Variants in DOCK9 observed in about 807,000 individuals in gnomAD.
DOCK9 encodes dedicator of cytokinesis protein 9.
In DOCK9, 89 loss-of-function variants were observed where a neutral mutation model predicts 263.3. The observed-to-expected ratio is 0.34, with a 90% confidence interval of 0.28 to 0.40. The LOEUF (loss-of-function observed/expected upper bound fraction) is 0.40. Among genes scored for constraint, DOCK9 ranks in the 10% least tolerant of loss-of-function variants. The probability of loss-of-function intolerance (pLI) is 1.00; values close to 1 mark genes in which losing one functional copy is unlikely to be tolerated. For synonymous variants in DOCK9, 976 were observed against 973.1 expected, an observed-to-expected ratio of 1.00 and a Z score of -0.06; for missense variants, 2,140 against 2,603.4, an observed-to-expected ratio of 0.82 and a Z score of 3.87.
At chr13:98,851,176 C>A (rs1433889979) in intron 35 of DOCK9, among the ~76,000 whole-genome samples, 1 of 152,154 alleles carries the variant, frequency 6.6e-6, no homozygotes, top group East Asian at 1.9e-4. Context: ...GAAGAAAGTC[C>A]CCATTTACAG....
At chr13:98,986,499 A>G (rs1035514560) in intron 1 of DOCK9, among the ~76,000 whole-genome samples, 1 of 152,258 alleles carries the variant, frequency 6.6e-6, no homozygotes, top group Non-Finnish European at 1.5e-5. Context: ...GGCTGAATTT[A>G]GTTTGCATTT....
At position 98,807,766 on chromosome 13, in the gene DOCK9, C is replaced by T. The variant is rs1639261280; in HGVS notation, c.5409G>A (p.Lys1803=). 1.2e-6 allele frequency: 2 copies of T among 1,613,126 alleles called. No individual in the cohort carries two copies. The highest frequency in any genetic ancestry group is 8.5e-7 in the Non-Finnish European group (1 of 1,179,360). Residue 1803 remains lysine, a synonymous_variant, in exon 48 of 53, where the codon AAG becomes AAA. Coordinates refer to ENST00000682017, the MANE Select transcript of DOCK9 (RefSeq NM_001366683.2). ...CCGACAGCGGTGTGAGTTTGGGTTC[C>T]TTGTAAATATACTCCTTTCCATCTT... ...EDEDGKEYIY[K]EPKLTPLSEI...
chr13:99,052,995 T>G (rs2040770650), intron 1 of DOCK9, among the ~76,000 whole-genome samples: 1 of 152,174 alleles, frequency 6.6e-6, no homozygotes, highest in African/African-American at 2.4e-5. Flanking sequence ...CAGGCCTCAG[T>G]AGGGATTCGC....
At chr13:98,902,096 T>C (rs2048367297) in intron 12 of DOCK9, among the ~76,000 whole-genome samples, 192 bp downstream of exon 12, 1 of 152,240 alleles carries the variant, frequency 6.6e-6, no homozygotes, top group Non-Finnish European at 1.5e-5. Context: ...GGAGAACTTT[T>C]AGAAAGAAGA....
At chr13:98,986,006 A>G (rs1878369621) in intron 1 of DOCK9, among the ~76,000 whole-genome samples, 1 of 152,284 alleles carries the variant, frequency 6.6e-6, no homozygotes, top group Non-Finnish European at 1.5e-5. Flanking sequence ...TAAGGGCCAG[A>G]GAATGTATTC....
chr13:99,027,423 C>G (rs372796261), intron 1 of DOCK9, among the ~76,000 whole-genome samples: 1 of 152,190 alleles, frequency 6.6e-6, no homozygotes, highest in East Asian at 1.9e-4. Flanking sequence ...TTGACAGAAG[C>G]CCATCCTCAT....
chr13:98,819,568 A>G (rs2092133013), intron 45 of DOCK9, among the ~76,000 whole-genome samples: 1 of 152,190 alleles, frequency 6.6e-6, no homozygotes, highest in African/African-American at 2.4e-5. Flanking sequence ...AAAATGAAGT[A>G]GGGCAGTATG....
chr13:98,795,885 A>C (rs1343206434), intron 52 of DOCK9, among the ~76,000 whole-genome samples: 2 of 151,744 alleles, frequency 1.3e-5, no homozygotes, highest in African/African-American at 4.8e-5. Context: ...CAGCCTCCCG[A>C]GTAGCTGAGA....
chr13:98,985,774 G>A (rs1878311366), intron 1 of DOCK9, among the ~76,000 whole-genome samples: 1 of 150,792 alleles, frequency 6.6e-6, no homozygotes, highest in Non-Finnish European at 1.5e-5. Flanking sequence ...ATCTGTAACT[G>A]TTTTATCTCC....
chr13:98,990,336 A>T (rs1226940171), intron 1 of DOCK9, among the ~76,000 whole-genome samples: 1 of 152,214 alleles, frequency 6.6e-6, no homozygotes, highest in Non-Finnish European at 1.5e-5. Flanking sequence ...AGAATCTGTT[A>T]CTCAGACACT....
intron 49 of DOCK9, among the ~76,000 whole-genome samples, chr13:98,802,151 T>A (rs2090186159): frequency 6.6e-6 from 1 of 152,160 alleles, no homozygotes; most frequent in Non-Finnish European, 1.5e-5. Context: ...GGAGGTCAAC[T>A]CCAGGTTCCC....
chr13:98,999,288 G>GCATGCA (rs1412789503), intron 1 of DOCK9, among the ~76,000 whole-genome samples: 1 of 137,594 alleles, frequency 7.3e-6, no homozygotes, highest in Non-Finnish European at 1.6e-5. Context: ...ACGCATGCAC[G>GCATGCA]CGCACACACA....
In DOCK9 at chr13:98,886,696, A is replaced by G. The variant is rs1468672476; in HGVS notation, c.2044-72T>C. Reference sequence around the variant, plus strand: ...AGAAATTAAACTTGGATATATCGTAAAGGAGGAGGCATTCCTACGGCATAG... The same window carrying G: ...AGAAATTAAACTTGGATATATCGTAGAGGAGGAGGCATTCCTACGGCATAG... On this transcript the variant is annotated intron_variant, in intron 18 of 52. Transcript: ENST00000682017. The G allele has an allele frequency of 2.9e-6, 4 of 1,381,956 alleles. No individual in the cohort carries two copies. In the African/African-American group the frequency reaches 5.7e-5, roughly 20 times the overall value. 85.6% of individuals were successfully genotyped at this position (1,381,956 alleles called of 1,614,324 possible). A position where few individuals can be genotyped will look rare whatever the true frequency, so the allele number is the denominator to read the frequency against.
intron 7 of DOCK9, among the ~76,000 whole-genome samples, chr13:98,916,077 T>C (rs2050841717): frequency 6.6e-6 from 1 of 152,112 alleles, no homozygotes; most frequent in Admixed American, 6.5e-5. Flanking sequence ...ATGCCTCCAG[T>C]TTTCATGCCT....
chr13:98,805,282 T>C, intron 48 of DOCK9, 73 bp from the exon 49 acceptor site: 1 of 1,278,598 alleles, frequency 7.8e-7, no homozygotes. Context: ...TACGTGGTAT[T>C]TTCCAACATT....
At chr13:99,065,908 C>A (rs77538406) in intron 1 of DOCK9, among the ~76,000 whole-genome samples, 1 of 152,200 alleles carries the variant, frequency 6.6e-6, no homozygotes, top group Non-Finnish European at 1.5e-5. Context: ...AATGTGTTCA[C>A]TTAATTGATG....
rs1567082911 is a variant in DOCK9, at chr13:98,955,330, T to TA, written c.243+104dup. Reference sequence around the variant, plus strand: ...CAAGACTGTGTCTCAAAAAAAATAATAATAATAATAATTAACTAACCAAAC... The same window carrying TA: ...CAAGACTGTGTCTCAAAAAAAATAATAAATAATAATAATTAACTAACCAAAC... On this transcript the variant is annotated intron_variant, in intron 2 of 52. Coordinates refer to ENST00000682017, the MANE Select transcript of DOCK9 (RefSeq NM_001366683.2). 346 of 722,590 alleles carry TA rather than the reference T, an allele frequency of 4.8e-4. 2 individuals are homozygous for TA. The African/African-American group carries it at 5.9e-3, about 12-fold the overall frequency. 44.8% of individuals were successfully genotyped at this position (722,590 alleles called of 1,614,324 possible).
chr13:99,048,276 C>T (rs1202895286), intron 1 of DOCK9, among the ~76,000 whole-genome samples: 3 of 152,152 alleles, frequency 2.0e-5, no homozygotes, highest in Non-Finnish European at 4.4e-5. Flanking sequence ...GAGTAAGAAG[C>T]ACGCCTGAAG....
chr13:99,078,984 G>C (rs2042018811), intron 1 of DOCK9, among the ~76,000 whole-genome samples: 1 of 152,202 alleles, frequency 6.6e-6, no homozygotes, highest in Non-Finnish European at 1.5e-5. Context: ...ACACAGATAG[G>C]TCAGGCCGAT....
Sources: gnomAD v4.1 joint callset for allele counts (sites outside exome capture counted in the v4.1 genomes callset) on GRCh38, gnomAD v4.1.1 for gene constraint, MANE v1.5 for transcripts, NCBI Gene and HGNC (gene_info 2026-07-23, HGNC 2026-07-21) for gene names.